SH3TC1: variants seen among roughly 807,000 people sequenced by gnomAD.
SH3TC1 encodes the protein SH3 domain and tetratricopeptide repeat-containing protein 1.
SH3TC1 carries 135 observed loss-of-function variants against 117.3 expected under a neutral mutation model. The observed-to-expected ratio is 1.15, with a 90% CI of 1.00 to 1.33. SH3TC1 has a LOEUF of 1.33. SH3TC1 is among the 40% of genes most tolerant of loss of function. SH3TC1 has a pLI of 0.00. For synonymous variants in SH3TC1, 898 were observed against 816.9 expected, an observed-to-expected ratio of 1.10 and a Z score of -1.69; for missense variants, 2,092 against 1,794.3, an observed-to-expected ratio of 1.17 and a Z score of -3.00.
Position 8,205,509 on chromosome 4 carries a change from G to T in SH3TC1, c.172+143G>T. ...TGGAGTCTGCTCTCCATCACTTCTC[G>T]TTTCCTTCCCCCGCGTGTGTTTAAC... On this transcript the variant is annotated intron_variant, in intron 2 of 17. Transcript: ENST00000245105. This position sits in a 1 kb window ranked among gnomAD's most constrained non-coding sequence, Gnocchi z 5.4. The T allele has an allele frequency of 8.7e-7, 1 of 1,148,482 alleles. No individual in the cohort carries two copies. Among genetic ancestry groups the T allele is most frequent in the Non-Finnish European group, 1.3e-6 (1 of 763,502 alleles). 71.1% of individuals were successfully genotyped at this position (1,148,482 alleles called of 1,614,324 possible). A position where few individuals can be genotyped will look rare whatever the true frequency, so the allele number is the denominator to read the frequency against.
intron 5 of SH3TC1, among the ~76,000 whole-genome samples, chr4:8,215,460 C>T (rs1462567422): frequency 6.6e-6 from 1 of 152,174 alleles, no homozygotes; most frequent in African/African-American, 2.4e-5. Context: ...GGAAGTGGCT[C>T]ATCTGTGGCT....
intron 14 of SH3TC1, among the ~76,000 whole-genome samples, chr4:8,234,494 CCCAT>C (rs1202450066): frequency 2.7e-4 from 8 of 29,810 alleles, no homozygotes; most frequent in African/African-American, 3.9e-4. Flanking sequence ...CATCCATCCA[CCCAT>C]CCATCCATTC....
rs201332994 is a variant in SH3TC1, at chr4:8,236,371, G to A, written c.3499G>A (p.Glu1167Lys). 2.2e-5 allele frequency: 34 copies of A among 1,544,376 alleles called. No homozygotes were observed. The East Asian group carries it at 8.4e-4, about 38-fold the overall frequency. The part of the protein sequence containing the change: ...KLVALLATLE[E>K]PQEGLEFAHM... ...GGTGGCACTGCTGGCCACGCTGGAG[G>A]AGCCCCAGGAGGGCTTGGAGTTTGC... Residue 1167 changes from glutamate (E) to lysine (K), a missense_variant, in exon 16 of 18, where the codon GAG (glutamate) becomes AAG (lysine). Glu to Lys is a moderately conservative substitution (Grantham distance 56). Transcript: ENST00000245105.
intron 11 of SH3TC1, among the ~76,000 whole-genome samples, chr4:8,226,350 TGAA>T (rs1720459054): frequency 6.6e-6 from 1 of 152,140 alleles, no homozygotes; most frequent in Admixed American, 6.5e-5. Flanking sequence ...CCATCCAAGG[TGAA>T]GGTGGTCACA....
intron 5 of SH3TC1, 103 bp from the exon 6 acceptor site, chr4:8,216,008 G>C: frequency 7.2e-7 from 1 of 1,387,972 alleles, no homozygotes; most frequent in East Asian, 2.4e-5. Context: ...GGTCTCCCTG[G>C]ACCTGGTCAG....
At chr4:8,185,857 G>T (rs147751151) in intron 1 of SH3TC1, among the ~76,000 whole-genome samples, 1 of 152,326 alleles carries the variant, frequency 6.6e-6, no homozygotes, top group East Asian at 1.9e-4. Flanking sequence ...CAGCACAGTC[G>T]TGGTTTTATG....
In SH3TC1 at chr4:8,227,174, G is replaced by A. The variant is rs771619629; in HGVS notation, c.1480G>A (p.Glu494Lys). 1 of 1,597,762 alleles carries A rather than the reference G, an allele frequency of 6.3e-7. No individual in the cohort carries two copies. The highest frequency in any genetic ancestry group is 8.5e-7 in the Non-Finnish European group (1 of 1,172,280). ...SFCLEAEDDWEDPEALSSLLL... is the reference protein window; with the variant it reads ...SFCLEAEDDWKDPEALSSLLL... ...CTGCTTGGAAGCCGAGGACGACTGG[G>A]AGGACCCAGAGGCCCTGAGCTCACT... The change falls in exon 12 of 18, where the codon GAG (glutamate) becomes AAG (lysine). Residue 494 changes from glutamate to lysine, a missense_variant. By Grantham distance (56) the Glu-to-Lys change is moderately conservative (BLOSUM62 1). Transcript: ENST00000245105.
At chr4:8,182,862 G>T (rs1346492330) in intron 1 of SH3TC1, among the ~76,000 whole-genome samples, 2 of 152,186 alleles carry the variant, frequency 1.3e-5, no homozygotes, top group East Asian at 3.9e-4. Context: ...GTGGCTCTCT[G>T]CATCTCCGAA....
Position 8,209,628 on chromosome 4 carries a change from G to A in SH3TC1, c.173-120G>A, listed in dbSNP as rs79622859. 447 of 1,543,032 alleles carry A rather than the reference G, an allele frequency of 2.9e-4. 1 individual carries two copies. In the East Asian group the frequency reaches 5.4e-3, roughly 19 times the overall value. On this transcript the variant is annotated intron_variant, in intron 2 of 17. Transcript: ENST00000245105. The surrounding 1 kb of genome is among the most constrained non-coding windows in gnomAD (Gnocchi z 5.9). ...GGAGGAAGGCAGCTGTGGGAAAGGCGGCTCGTGCGGGACAGAACTCACCTC... is the reference window on the plus strand; with the variant it reads ...GGAGGAAGGCAGCTGTGGGAAAGGCAGCTCGTGCGGGACAGAACTCACCTC...
intron 12 of SH3TC1, chr4:8,231,690 C>T: frequency 2.2e-6 from 1 of 452,598 alleles, no homozygotes; most frequent in Non-Finnish European, 3.9e-6. Context: ...TGAAGGCGGC[C>T]CTGGTCCTGG....
chr4:8,183,230 G>C lies in SH3TC1; in HGVS notation c.-57+1020G>C, dbSNP rs1047663597. 2.0e-5 allele frequency among the ~76,000 whole-genome samples: 3 copies of C among 152,194 alleles called. No individual in the cohort carries two copies. Among genetic ancestry groups the C allele is most frequent in the African/African-American group, 4.8e-5 (2 of 41,446 alleles). On this transcript the variant is annotated intron_variant, in intron 1 of 16. Coordinates refer to the SH3TC1 transcript ENST00000508641. This position sits in a 1 kb window ranked among gnomAD's most constrained non-coding sequence, Gnocchi z 5.4. ...AGTTCTGTTCACTACGAAGGAGCCC[G>C]TCCTCATCCTCCCCCTCGTTTACAG...
chr4:8,233,190 CGTGT>C, intron 13 of SH3TC1, 169 bp from the exon 14 acceptor site: 1 of 1,401,592 alleles, frequency 7.1e-7, no homozygotes, highest in Non-Finnish European at 9.2e-7. Context: ...TTTTCCTTGC[CGTGT>C]GTGTTCAACC....
intron 7 of SH3TC1, 153 bp from the exon 8 acceptor site, chr4:8,218,118 G>C: frequency 3.2e-6 from 1 of 312,136 alleles, no homozygotes; most frequent in Non-Finnish European, 5.9e-6. Context: ...GGGCAGGCAT[G>C]TGTGTGTGTG....
At chr4:8,214,407 C>A in intron 4 of SH3TC1, 68 bp from the exon 5 acceptor site, 1 of 1,434,006 alleles carries the variant, frequency 7.0e-7, no homozygotes, top group Non-Finnish European at 9.7e-7. Flanking sequence ...GTCATGTGGA[C>A]GCTGTCCTCC....
In SH3TC1 at chr4:8,228,243, C is replaced by A; in HGVS notation, c.2549C>A (p.Ser850Tyr). 6.2e-7 allele frequency: 1 copy of A among 1,610,158 alleles called. No homozygotes were observed. The highest frequency in any genetic ancestry group is 8.5e-7 in the Non-Finnish European group (1 of 1,178,142). Reference sequence around the variant, plus strand: ...CCGGTGGCCCTGGACATCCTGCAGTCTGTCCGGGATGCAGTGGTGGCCAGC... The same window carrying A: ...CCGGTGGCCCTGGACATCCTGCAGTATGTCCGGGATGCAGTGGTGGCCAGC... The part of the protein sequence containing the change: ...QSPVALDILQ[S>Y]VRDAVVASED... Residue 850 changes from serine to tyrosine, a missense_variant, in exon 12 of 18, where the codon TCT becomes TAT. Ser to Tyr is a moderately radical substitution (Grantham distance 144). Transcript: ENST00000245105.
chr4:8,220,448 C>A (rs1359963326), intron 9 of SH3TC1, among the ~76,000 whole-genome samples: 3 of 152,216 alleles, frequency 2.0e-5, no homozygotes, highest in Non-Finnish European at 2.9e-5. Flanking sequence ...CACCCATGAC[C>A]TGCCTGCTCC....
chr4:8,216,274 G>A lies in SH3TC1; in HGVS notation c.628+17G>A, dbSNP rs781568992. 14 of 1,610,248 alleles carry A rather than the reference G, an allele frequency of 8.7e-6. No homozygotes were observed. The highest frequency in any genetic ancestry group is 1.0e-5 in the Non-Finnish European group (12 of 1,178,182). On this transcript the variant is annotated intron_variant, in intron 6 of 17. Coordinates refer to ENST00000245105, the MANE Select transcript of SH3TC1 (RefSeq NM_018986.5). ...TCCAAGAAGGTGAGCGTTGCATGGG[G>A]TGATGGCCGAGATCCAGCTGTGCGG... is the stretch of plus-strand genomic sequence containing the variant.
intron 1 of SH3TC1, among the ~76,000 whole-genome samples, chr4:8,185,694 G>A (rs1224144428): frequency 6.6e-6 from 1 of 152,230 alleles, no homozygotes; most frequent in Admixed American, 6.5e-5. Context: ...TACCTGTTGT[G>A]TGGCTGCAGT....
At chr4:8,204,928 G>T (rs1293806152) in intron 1 of SH3TC1, 1 of 343,826 alleles carries the variant, frequency 2.9e-6, no homozygotes, top group Non-Finnish European at 5.2e-6. Context: ...ACCAGCGAGA[G>T]GAGGCCCCGT....
Sources: allele counts gnomAD v4.1 joint callset (sites outside exome capture counted in the v4.1 genomes callset), GRCh38; gene constraint gnomAD v4.1.1; non-coding constraint Gnocchi (gnomAD v3.1); transcripts MANE v1.5; gene names NCBI Gene and HGNC (gene_info 2026-07-23, HGNC 2026-07-21).